The following MCPH1 variants were observed in gnomAD, a reference collection of about 807,000 sequenced individuals.
MCPH1 encodes the protein microcephalin.
In MCPH1, 104 loss-of-function variants were observed where a neutral mutation model predicts 84.5. The observed-to-expected ratio is 1.23, with a 90% CI of 1.05 to 1.45. The LOEUF is 1.45. Ranked by LOEUF, MCPH1 falls within the 40% of genes most tolerant of loss-of-function variation. The pLI is 0.00. For missense variants in MCPH1, 1,498 were observed against 1,005.7 expected (o/e 1.49, Z -6.62); for synonymous variants, 514 against 366.8 (o/e 1.40, Z -4.58).
chr8:6,545,248 A>G (rs1405634478), intron 12 of MCPH1, among the ~76,000 whole-genome samples: 1 of 152,116 alleles, frequency 6.6e-6, no homozygotes, highest in African/African-American at 2.4e-5. Context: ...TGTTTCCTAG[A>G]TCTTGACCTC....
chr8:6,415,214 G>T (rs371584725), intron 3 of MCPH1, among the ~76,000 whole-genome samples: 3 of 151,854 alleles, frequency 2.0e-5, no homozygotes, highest in African/African-American at 4.8e-5. Flanking sequence ...AGAATGGGTC[G>T]CTTGAGCAAC....
At chr8:6,523,672 C>G (rs138320104) in intron 12 of MCPH1, among the ~76,000 whole-genome samples, 137 of 152,276 alleles carry the variant, frequency 9.0e-4, no homozygotes, top group African/African-American at 3.0e-3. Context: ...TCGCTGCAAC[C>G]TCCGCCTCCC....
intron 12 of MCPH1, among the ~76,000 whole-genome samples, chr8:6,547,751 C>G (rs1014671289): frequency 6.6e-6 from 1 of 152,154 alleles, no homozygotes; most frequent in Admixed American, 6.5e-5. Context: ...TCTCCACTGA[C>G]TCACTCGGTG....
In MCPH1 at chr8:6,442,138, C is replaced by G. The variant is rs757012933; in HGVS notation, c.652C>G (p.Arg218Gly). 2 of 1,608,718 alleles carry G rather than the reference C, an allele frequency of 1.2e-6. No homozygotes were observed. Among genetic ancestry groups the G allele is most frequent in the Non-Finnish European group, 8.5e-7 (1 of 1,175,214 alleles). Reference sequence around the variant, plus strand: ...GTGTGAAGCACCTTTGAACATTTCACGTGATACTTTGTGTTCAGGTAAAAT... The same window carrying G: ...GTGTGAAGCACCTTTGAACATTTCAGGTGATACTTTGTGTTCAGGTAAAAT... The part of the protein sequence containing the change: ...SLCEAPLNIS[R>G]DTLCSDEYFA... The change falls in exon 7 of 14, where the codon CGT (arginine) becomes GGT (glycine). Residue 218 changes from arginine (R) to glycine (G), a missense_variant. Arg to Gly is a moderately radical substitution (Grantham distance 125). Transcript: ENST00000344683.
chr8:6,608,279 G>T (rs1323333165), intron 12 of MCPH1, among the ~76,000 whole-genome samples: 1 of 152,234 alleles, frequency 6.6e-6, no homozygotes, highest in African/African-American at 2.4e-5. Flanking sequence ...CAGGTGTTGA[G>T]GTGTTCACAG....
At chr8:6,625,742 C>G in intron 13 of MCPH1, 1 of 976,070 alleles carries the variant, frequency 1.0e-6, no homozygotes, top group Non-Finnish European at 1.2e-6. Flanking sequence ...AACGATCCCA[C>G]CACTGTACTC....
At chr8:6,461,098 A>C (rs918350353) in intron 9 of MCPH1, among the ~76,000 whole-genome samples, 22 of 152,196 alleles carry the variant, frequency 1.4e-4, no homozygotes, top group African/African-American at 5.1e-4. Flanking sequence ...AGTTTGCAAA[A>C]GACACACTAA....
chr8:6,446,771 T>G, intron 8 of MCPH1: 2 of 985,162 alleles, frequency 2.0e-6, no homozygotes, highest in African/African-American at 3.5e-5. Flanking sequence ...AAATGTAAAT[T>G]AAGTAGGAAA....
At chr8:6,498,254 G>C (rs909632445) in intron 11 of MCPH1, among the ~76,000 whole-genome samples, 4 of 152,144 alleles carry the variant, frequency 2.6e-5, no homozygotes, top group African/African-American at 9.7e-5. Context: ...CCAACCTTTT[G>C]TTTTTAAGTT....
intron 12 of MCPH1, among the ~76,000 whole-genome samples, chr8:6,529,355 C>G (rs1300277869): frequency 1.3e-5 from 2 of 152,102 alleles, no homozygotes; most frequent in African/African-American, 2.4e-5. Context: ...GAATTTAAGT[C>G]TGTTTCACAA....
intron 4 of MCPH1, among the ~76,000 whole-genome samples, chr8:6,432,112 C>G (rs550731742): frequency 1.2e-4 from 18 of 152,318 alleles, no homozygotes; most frequent in Non-Finnish European, 2.5e-4. Context: ...TGCATGTAAC[C>G]TACACAAATC....
intron 9 of MCPH1, among the ~76,000 whole-genome samples, chr8:6,457,154 C>T (rs766226368): frequency 6.6e-6 from 1 of 152,126 alleles, no homozygotes; most frequent in Non-Finnish European, 1.5e-5. Context: ...TATTAAACTG[C>T]CTAACTTGCT....
chr8:6,525,265 A>C lies in MCPH1; in HGVS notation c.2214+25336A>C, dbSNP rs370770293. Among the ~76,000 whole-genome samples, 6 of 152,246 alleles carry C rather than the reference A, an allele frequency of 3.9e-5. No homozygotes were observed. In the South Asian group the frequency reaches 1.2e-3, roughly 32 times the overall value. On this transcript the variant is annotated intron_variant, in intron 12 of 13. Transcript: ENST00000344683. Reference sequence around the variant, plus strand: ...AGCCCCCTGATCGTTGTAAATTAGTATGTAATTTTGGAGAGATGGGGGTCT... The same window carrying C: ...AGCCCCCTGATCGTTGTAAATTAGTCTGTAATTTTGGAGAGATGGGGGTCT...
At position 6,621,510 on chromosome 8, in the gene MCPH1, C is replaced by T. The variant is rs371576977; in HGVS notation, c.2271C>T (p.Ala757=). Residue 757 remains alanine (A), a synonymous_variant, in exon 13 of 14, where the codon GCC becomes GCT. Coordinates refer to ENST00000344683, the MANE Select transcript of MCPH1 (RefSeq NM_024596.5). ...GGCCGTACCGCGGAACCCTCTTTGCCGACCAGCCAGCGATGTTTGTCTCGC... is the reference window on the plus strand; with the variant it reads ...GGCCGTACCGCGGAACCCTCTTTGCTGACCAGCCAGCGATGTTTGTCTCGC... The part of the protein sequence containing the change: ...SAGPYRGTLF[A]DQPAMFVSPA... The T allele has an allele frequency of 1.9e-5, 30 of 1,614,024 alleles. No individual in the cohort carries two copies. Among genetic ancestry groups the T allele is most frequent in the African/African-American group, 1.6e-4 (12 of 74,928 alleles).
At chr8:6,473,333 T>TG (rs1415364743) in intron 9 of MCPH1, among the ~76,000 whole-genome samples, 9 of 124,720 alleles carry the variant, frequency 7.2e-5, no homozygotes, top group Non-Finnish European at 1.5e-4. Context: ...TTTTTTTTTT[T>TG]TTTTTTTTTT....
chr8:6,644,739 T>A lies in MCPH1; in HGVS notation c.*1690T>A, dbSNP rs1798131370. The stretch of plus-strand genomic sequence containing the variant: ...GGTGCCGTTCCCGCTCTGGGTTATT[T>A]ATCTGTTGCTCATCTCAGCTGTTGT... On this transcript the variant is annotated 3_prime_UTR_variant, in exon 14 of 14. Transcript: ENST00000344683. The A allele has an allele frequency of 6.6e-6, 1 of 152,220 alleles. No homozygotes were observed. The highest frequency in any genetic ancestry group is 1.5e-5 in the Non-Finnish European group (1 of 68,038). 9.4% of individuals were successfully genotyped at this position (152,220 alleles called of 1,614,324 possible). A position where few individuals can be genotyped will look rare whatever the true frequency, so the allele number is the denominator to read the frequency against.
intron 9 of MCPH1, among the ~76,000 whole-genome samples, chr8:6,472,736 G>A (rs2129558731): frequency 1.3e-5 from 2 of 152,232 alleles, no homozygotes; most frequent in Admixed American, 1.3e-4. Flanking sequence ...CCAAAGTGCT[G>A]GAATTACAGG....
chr8:6,418,642 G>T (rs1454739849), intron 3 of MCPH1, among the ~76,000 whole-genome samples: 1 of 152,046 alleles, frequency 6.6e-6, no homozygotes, highest in Non-Finnish European at 1.5e-5. Flanking sequence ...GAGTGCAGTG[G>T]CGCGATCTGT....
intron 12 of MCPH1, among the ~76,000 whole-genome samples, chr8:6,504,103 G>C (rs539119492): frequency 2.6e-4 from 39 of 152,210 alleles, no homozygotes; most frequent in Non-Finnish European, 5.4e-4. Context: ...TGGATCACGA[G>C]ATCAGGAGAC....
Sources: allele counts gnomAD v4.1 joint callset (sites outside exome capture counted in the v4.1 genomes callset), GRCh38; gene constraint gnomAD v4.1.1; transcripts MANE v1.5; gene names NCBI Gene and HGNC (gene_info 2026-07-23, HGNC 2026-07-21).